The following SASH1 variants were observed in gnomAD, a reference collection of about 807,000 sequenced individuals.
SASH1 encodes SAM and SH3 domain-containing protein 1.
SASH1 carries 44 observed loss-of-function variants against 125.2 expected under a neutral mutation model. The ratio of observed to expected loss-of-function variants is 0.35; its 90% CI spans 0.28 to 0.45. SASH1 has a LOEUF of 0.45. Ranked by LOEUF, SASH1 falls within the 20% of genes least tolerant of loss-of-function variation. The pLI, the probability that SASH1 is intolerant of heterozygous loss-of-function variation, is 1.00. For missense variants in SASH1, 1,426 were observed against 1,614.5 expected (o/e 0.88, Z 2.00); for synonymous variants, 639 against 649.1 (o/e 0.98, Z 0.24).
Position 148,533,163 on chromosome 6 carries a change from C to T in SASH1, c.1734+197C>T, listed in dbSNP as rs1384973326. Among the ~76,000 whole-genome samples the T allele has an allele frequency of 1.3e-5, 2 of 152,168 alleles. No individual in the cohort carries two copies. Among genetic ancestry groups the T allele is most frequent in the East Asian group, 1.9e-4 (1 of 5,182 alleles). On this transcript the variant is annotated intron_variant, in intron 14 of 19. Transcript: ENST00000367467. The surrounding 1 kb of genome is among the most constrained non-coding windows in gnomAD (Gnocchi z 6.2). ...AGCCCTCGAGGCAGAGGGAGGGTCTCGTGTTAATCCCTGGGTTAGCATCAC... is the reference window on the plus strand; with the variant it reads ...AGCCCTCGAGGCAGAGGGAGGGTCTTGTGTTAATCCCTGGGTTAGCATCAC...
chr6:148,283,169 C>T (rs1255424414), intron 1 of SASH1, among the ~76,000 whole-genome samples: 1 of 152,208 alleles, frequency 6.6e-6, no homozygotes, highest in Non-Finnish European at 1.5e-5. Context: ...GACATACTGT[C>T]CTCCCGTCTA....
intron 1 of SASH1, among the ~76,000 whole-genome samples, chr6:148,328,518 G>A (rs1325829961): frequency 6.6e-6 from 1 of 151,754 alleles, no homozygotes; most frequent in African/African-American, 2.4e-5. Context: ...GCTTGAACCC[G>A]GGAGGTGGAG....
chr6:148,460,130 T>TA (rs990054961), intron 4 of SASH1, among the ~76,000 whole-genome samples: 10 of 152,212 alleles, frequency 6.6e-5, no homozygotes, highest in African/African-American at 1.7e-4. Context: ...TCCATATGTC[T>TA]AATGCAATTA....
At position 148,381,789 on chromosome 6, in the gene SASH1, C is replaced by T. The variant is rs532325882; in HGVS notation, c.157-8345C>T. Among the ~76,000 whole-genome samples the T allele has an allele frequency of 6.0e-5, 9 of 151,198 alleles. No individual in the cohort carries two copies. In the South Asian group the frequency reaches 1.9e-3, roughly 32 times the overall value. On this transcript the variant is annotated intron_variant, in intron 1 of 19. Transcript: ENST00000367467. ...GATTACAGGCATGCACCACCACGCC[C>T]AGCTAAGTTTTGTAATTTTTTTAGT...
chr6:148,222,204 G>A, the SASH1 span, among the ~76,000 whole-genome samples: 1 of 152,170 alleles, frequency 6.6e-6, no homozygotes, highest in Non-Finnish European at 1.5e-5. Context: ...GAGGAATAGT[G>A]TGAATTTGTT....
chr6:148,236,017 A>T, the SASH1 span, among the ~76,000 whole-genome samples: 2 of 152,176 alleles, frequency 1.3e-5, no homozygotes, highest in Admixed American at 6.5e-5. Flanking sequence ...TATGAATATT[A>T]GGATTCAGAA....
chr6:148,320,909 G>A (rs1780617882), intron 1 of SASH1, among the ~76,000 whole-genome samples: 1 of 152,244 alleles, frequency 6.6e-6, no homozygotes, highest in African/African-American at 2.4e-5. Flanking sequence ...ACATGGCTGA[G>A]TAATTTTGAT....
chr6:148,335,770 A>G (rs1234899848), intron 1 of SASH1, among the ~76,000 whole-genome samples: 1 of 152,148 alleles, frequency 6.6e-6, no homozygotes, highest in Non-Finnish European at 1.5e-5. Context: ...TACCTTTACT[A>G]TGAAAACTGA....
At chr6:148,450,691 C>CTT (rs10594605) in intron 4 of SASH1, among the ~76,000 whole-genome samples, 76 of 145,072 alleles carry the variant, frequency 5.2e-4, no homozygotes, top group African/African-American at 1.8e-3. Context: ...TATATGTTAT[C>CTT]TTTTTTTTTT....
chr6:148,361,936 CAG>C (rs34372206), intron 1 of SASH1, among the ~76,000 whole-genome samples: 39,546 of 130,324 alleles, frequency 0.3, 6,067 homozygotes, highest in Non-Finnish European at 0.34. Flanking sequence ...TTTTTTGAGA[CAG>C]AGTCTCACTC....
intron 1 of SASH1, among the ~76,000 whole-genome samples, chr6:148,315,736 T>C (rs1780464875): frequency 6.6e-6 from 1 of 152,140 alleles, no homozygotes; most frequent in Non-Finnish European, 1.5e-5. Flanking sequence ...AGACCCCATC[T>C]CTACAGAAAA....
chr6:148,267,440 G>A (rs9390551), upstream of SASH1, among the ~76,000 whole-genome samples: 24,375 of 148,210 alleles, frequency 0.16, 2,171 homozygotes, highest in East Asian at 0.35. Context: ...GTGCACTGGC[G>A]AAATCTCGGC....
intron 2 of SASH1, among the ~76,000 whole-genome samples, chr6:148,432,347 T>C (rs1290502475): frequency 6.6e-6 from 1 of 152,198 alleles, no homozygotes; most frequent in Non-Finnish European, 1.5e-5. Context: ...TTGGTAAGGA[T>C]CTCTCCGGTG....
chr6:148,487,601 C>A lies in SASH1; in HGVS notation c.628-13C>A. ...ATTCTTTCCATTTCAGTATCCATTT[C>A]TTCTTGTTACAGCTCAAGGAATACG... On this transcript the variant is annotated splice_polypyrimidine_tract_variant and intron_variant, in intron 7 of 19. Coordinates refer to ENST00000367467, the MANE Select transcript of SASH1 (RefSeq NM_015278.5). The A allele has an allele frequency of 6.2e-7, 1 of 1,603,698 alleles. No homozygotes were observed. Among genetic ancestry groups the A allele is most frequent in the East Asian group, 2.2e-5 (1 of 44,496 alleles).
chr6:148,361,517 G>C (rs944180019), intron 1 of SASH1, among the ~76,000 whole-genome samples: 5 of 151,958 alleles, frequency 3.3e-5, no homozygotes, highest in African/African-American at 1.2e-4. Flanking sequence ...CCGGAGAATC[G>C]CTTGAACCTG....
At chr6:148,521,680 C>G (rs1420597028) in intron 10 of SASH1, among the ~76,000 whole-genome samples, 1 of 152,196 alleles carries the variant, frequency 6.6e-6, no homozygotes, top group Non-Finnish European at 1.5e-5. Context: ...TTTAAAATAA[C>G]AATTCTCTTT....
At chr6:148,405,993 A>G (rs950767450) in intron 2 of SASH1, among the ~76,000 whole-genome samples, 1 of 152,144 alleles carries the variant, frequency 6.6e-6, no homozygotes, top group Non-Finnish European at 1.5e-5. Context: ...TCCATGGTAA[A>G]AGAAAACTTA....
chr6:148,486,045 C>G (rs1348153230), intron 7 of SASH1, among the ~76,000 whole-genome samples: 1 of 152,186 alleles, frequency 6.6e-6, no homozygotes, highest in Non-Finnish European at 1.5e-5. Flanking sequence ...TAAATTTGCT[C>G]ACTTATTTGG....
At chr6:148,205,827 A>G in the SASH1 span, among the ~76,000 whole-genome samples, 1 of 152,220 alleles carries the variant, frequency 6.6e-6, no homozygotes, top group Non-Finnish European at 1.5e-5. Flanking sequence ...ATAAGCACAC[A>G]TGGAGCATTG....
Sources: allele counts gnomAD v4.1 joint callset (sites outside exome capture counted in the v4.1 genomes callset), GRCh38; gene constraint gnomAD v4.1.1; non-coding constraint Gnocchi (gnomAD v3.1); transcripts MANE v1.5; gene names NCBI Gene and HGNC (gene_info 2026-07-23, HGNC 2026-07-21).